Variants in NTN4 observed in about 807,000 individuals in gnomAD.
NTN4 encodes netrin-4.
In NTN4, 32 loss-of-function variants were observed where a neutral mutation model predicts 73.6. The ratio of observed to expected loss-of-function variants is 0.44; its 90% CI spans 0.33 to 0.58. The LOEUF (loss-of-function observed/expected upper bound fraction) is 0.58, where lower values mean the gene tolerates loss of function less well. NTN4 is among the 20% of genes least tolerant of loss of function. The pLI is 0.04. For missense variants in NTN4, 654 were observed against 798.3 expected, an observed-to-expected ratio of 0.82 and a Z score of 2.18; for synonymous variants, 258 against 287.5, an observed-to-expected ratio of 0.90 and a Z score of 1.04.
In NTN4 at chr12:95,712,611, A is replaced by AT. The variant is rs1475519693; in HGVS notation, c.991+600dup. ...CTCGTGTCTATTCATGTATTTATTT[A>AT]TTTATTTAGAGACAGAGTTTCCCTC... On this transcript the variant is annotated intron_variant, in intron 4 of 9. Coordinates refer to ENST00000343702, the MANE Select transcript of NTN4 (RefSeq NM_021229.4). Among the ~76,000 whole-genome samples the AT allele has an allele frequency of 5.9e-5, 9 of 151,764 alleles. No individual in the cohort carries two copies. The East Asian group carries it at 1.7e-3, about 29-fold the overall frequency.
intron 2 of NTN4, among the ~76,000 whole-genome samples, chr12:95,742,673 A>T (rs1237368198): frequency 1.3e-5 from 2 of 152,184 alleles, no homozygotes; most frequent in East Asian, 3.8e-4. Flanking sequence ...TCCTTCCATG[A>T]TGGCACACTT....
At chr12:95,769,640 T>G (rs992530801) in intron 2 of NTN4, among the ~76,000 whole-genome samples, 2 of 152,022 alleles carry the variant, frequency 1.3e-5, no homozygotes, top group African/African-American at 4.8e-5. Context: ...TTTGCCTTAT[T>G]TGAACACAGT....
intron 5 of NTN4, among the ~76,000 whole-genome samples, chr12:95,693,064 G>A (rs552952680): frequency 1.3e-5 from 2 of 152,068 alleles, no homozygotes; most frequent in South Asian, 2.1e-4. Context: ...CTCACCACTC[G>A]TTCATTCATT....
chr12:95,754,417 T>C (rs967719649), intron 2 of NTN4, among the ~76,000 whole-genome samples: 2 of 152,094 alleles, frequency 1.3e-5, no homozygotes, highest in African/African-American at 4.8e-5. Context: ...ACTTCAACAC[T>C]ATTTTGTTTT....
chr12:95,738,402 CA>C (rs1431401980), intron 2 of NTN4, among the ~76,000 whole-genome samples: 1 of 152,142 alleles, frequency 6.6e-6, no homozygotes. Context: ...GGCAGCCATA[CA>C]AAGATCTTGC....
intron 2 of NTN4, among the ~76,000 whole-genome samples, chr12:95,774,695 G>A (rs562455701): frequency 2.6e-5 from 4 of 152,166 alleles, no homozygotes; most frequent in Non-Finnish European, 5.9e-5. Flanking sequence ...TTTATCACAA[G>A]GTATTGAAAC....
At chr12:95,678,291 A>G (rs2078289345) in intron 7 of NTN4, among the ~76,000 whole-genome samples, 1 of 150,960 alleles carries the variant, frequency 6.6e-6, no homozygotes, top group Non-Finnish European at 1.5e-5. Flanking sequence ...CCACTATGGC[A>G]CATGTATACC....
chr12:95,673,805 AG>A (rs1338701661), intron 7 of NTN4: 1 of 152,176 alleles, frequency 6.6e-6, no homozygotes, highest in Non-Finnish European at 1.5e-5. Context: ...TGTGTGTTTT[AG>A]AATCCCTCTG....
intron 8 of NTN4, among the ~76,000 whole-genome samples, chr12:95,669,274 T>G (rs1252876437): frequency 6.6e-6 from 1 of 152,112 alleles, no homozygotes; most frequent in Non-Finnish European, 1.5e-5. Flanking sequence ...TCTTAATATA[T>G]TTAATAGTAA....
intron 2 of NTN4, among the ~76,000 whole-genome samples, chr12:95,748,088 A>G (rs117374882): frequency 0.12 from 18,340 of 151,874 alleles, 1,591 homozygotes; most frequent in South Asian, 0.31. Context: ...AACATTAGCT[A>G]GGCATGGTGG....
At chr12:95,761,982 C>T (rs1242337441) in intron 2 of NTN4, among the ~76,000 whole-genome samples, 1 of 151,892 alleles carries the variant, frequency 6.6e-6, no homozygotes, top group African/African-American at 2.4e-5. Flanking sequence ...AATTAATCTT[C>T]CTTATAAAAT....
chr12:95,740,269 C>A (rs1419991116), intron 2 of NTN4, among the ~76,000 whole-genome samples: 1 of 152,180 alleles, frequency 6.6e-6, no homozygotes, highest in South Asian at 2.1e-4. Flanking sequence ...CCCTTTGGGT[C>A]CCACCCAGTT....
intron 2 of NTN4, among the ~76,000 whole-genome samples, chr12:95,747,374 T>C (rs2078870078): frequency 6.6e-6 from 1 of 152,182 alleles, no homozygotes. Flanking sequence ...TTGAGTCTAG[T>C]GGCACAATCA....
intron 3 of NTN4, among the ~76,000 whole-genome samples, chr12:95,735,891 GATTT>G (rs1428158756): frequency 2.0e-5 from 3 of 148,654 alleles, no homozygotes; most frequent in Non-Finnish European, 4.4e-5. Context: ...GCCTGCTCAT[GATTT>G]TTTTTAAATT....
At chr12:95,740,229 G>A (rs11108228) in intron 2 of NTN4, among the ~76,000 whole-genome samples, 11,717 of 152,242 alleles carry the variant, frequency 0.077, 763 homozygotes, top group East Asian at 0.3. Context: ...GAGTCCGCCA[G>A]TACAGATGCT....
intron 9 of NTN4, among the ~76,000 whole-genome samples, chr12:95,659,540 T>C (rs886387944): frequency 2.0e-5 from 3 of 152,124 alleles, no homozygotes; most frequent in African/African-American, 7.2e-5. Context: ...TCAAGCCATC[T>C]GCCCACCTCG....
chr12:95,702,812 T>A (rs1329618909), intron 5 of NTN4, among the ~76,000 whole-genome samples: 3 of 151,700 alleles, frequency 2.0e-5, no homozygotes, highest in Admixed American at 2.0e-4. Context: ...CTAGTAAATT[T>A]ATCTCAACTG....
At chr12:95,742,427 G>T (rs1337111539) in intron 2 of NTN4, among the ~76,000 whole-genome samples, 8 of 150,842 alleles carry the variant, frequency 5.3e-5, no homozygotes, top group Admixed American at 4.6e-4. Flanking sequence ...TTTAAACAGA[G>T]CATCAATACA....
intron 5 of NTN4, among the ~76,000 whole-genome samples, chr12:95,702,144 G>T (rs553559837): frequency 6.6e-6 from 1 of 152,078 alleles, no homozygotes; most frequent in South Asian, 2.1e-4. Flanking sequence ...GCTGGGTGTG[G>T]TGACGAGCAC....
Sources: allele counts gnomAD v4.1 joint callset (sites outside exome capture counted in the v4.1 genomes callset), GRCh38; gene constraint gnomAD v4.1.1; transcripts MANE v1.5; gene names NCBI Gene and HGNC (gene_info 2026-07-23, HGNC 2026-07-21).